The following DCDC2 variants were observed in gnomAD, a reference collection of about 807,000 sequenced individuals.
DCDC2 encodes doublecortin domain containing 2.
In DCDC2, 40 loss-of-function variants were observed where a neutral mutation model predicts 50.2. The observed-to-expected ratio is 0.80, with a 90% CI of 0.62 to 1.04. DCDC2 has a LOEUF of 1.04. DCDC2 is among the 50% of genes least tolerant of loss of function. The pLI is 0.00. For missense variants in DCDC2, 570 were observed against 581.9 expected (o/e 0.98, Z 0.21); for synonymous variants, 234 against 210.6 (o/e 1.11, Z -0.96).
intron 2 of DCDC2, among the ~76,000 whole-genome samples, chr6:24,327,499 G>A (rs1039807779): frequency 7.1e-6 from 1 of 140,990 alleles, no homozygotes; most frequent in Non-Finnish European, 1.6e-5. Context: ...CTGATACGGA[G>A]TTTTGCTCTT....
At chr6:24,331,024 C>T (rs766740029) in intron 2 of DCDC2, among the ~76,000 whole-genome samples, 16 of 152,130 alleles carry the variant, frequency 1.1e-4, no homozygotes, top group Non-Finnish European at 1.9e-4. Flanking sequence ...CCTGTTCCTT[C>T]CAGGATGATA....
chr6:24,234,943 ATACT>A (rs1163748746), intron 7 of DCDC2, among the ~76,000 whole-genome samples: 1 of 152,210 alleles, frequency 6.6e-6, no homozygotes, highest in Non-Finnish European at 1.5e-5. Context: ...TAACAAATAA[ATACT>A]TAATAACAAA....
At chr6:24,214,516 A>T (rs953486755) in intron 7 of DCDC2, among the ~76,000 whole-genome samples, 7 of 152,334 alleles carry the variant, frequency 4.6e-5, no homozygotes, top group East Asian at 3.9e-4. Context: ...TATATAAATT[A>T]TGATACAATT....
At chr6:24,182,448 C>T (rs912630919) in intron 8 of DCDC2, among the ~76,000 whole-genome samples, 92 of 151,630 alleles carry the variant, frequency 6.1e-4, no homozygotes, top group African/African-American at 2.0e-3. Context: ...TAGGGAACAC[C>T]TAAAACTCAA....
intron 5 of DCDC2, among the ~76,000 whole-genome samples, chr6:24,290,151 G>A (rs570609464): frequency 2.0e-5 from 3 of 150,558 alleles, no homozygotes; most frequent in East Asian, 3.9e-4. Context: ...CCGCCACTAC[G>A]CCCGGCTAAT....
chr6:24,336,872 C>T (rs771049325), intron 2 of DCDC2, among the ~76,000 whole-genome samples: 4 of 152,130 alleles, frequency 2.6e-5, no homozygotes, highest in African/African-American at 4.8e-5. Context: ...GTATTAGGTA[C>T]AGTGCTAGGA....
In DCDC2 at chr6:24,354,572, A is replaced by C. The variant is rs567879071; in HGVS notation, c.294-949T>G. ...ACAATGCCCCTATATAAAAGTAGTC[A>C]TATTTTTAAAACAGTGCAAACACTC... On this transcript the variant is annotated intron_variant, in intron 1 of 9. Transcript: ENST00000378454. Among the ~76,000 whole-genome samples the C allele has an allele frequency of 1.2e-4, 18 of 152,318 alleles. No homozygotes were observed. The South Asian group carries it at 3.7e-3, about 32-fold the overall frequency.
chr6:24,193,556 G>A (rs1275646753), intron 8 of DCDC2, among the ~76,000 whole-genome samples: 1 of 152,054 alleles, frequency 6.6e-6, no homozygotes, highest in African/African-American at 2.4e-5. Flanking sequence ...AACAAAGCAA[G>A]TGAAAAAATA....
intron 7 of DCDC2, among the ~76,000 whole-genome samples, chr6:24,258,307 T>TC (rs1351643727): frequency 1.3e-5 from 2 of 152,086 alleles, no homozygotes; most frequent in Admixed American, 6.5e-5. Flanking sequence ...CCCTTATTTG[T>TC]CCCCGCCCAC....
At chr6:24,327,841 A>G (rs1759901942) in intron 2 of DCDC2, among the ~76,000 whole-genome samples, 1 of 152,204 alleles carries the variant, frequency 6.6e-6, no homozygotes, top group Admixed American at 6.5e-5. Context: ...CTTTAAATAA[A>G]AAAAATTTCT....
At chr6:24,316,685 T>C (rs1404845676) in intron 2 of DCDC2, among the ~76,000 whole-genome samples, 5 of 152,166 alleles carry the variant, frequency 3.3e-5, no homozygotes, top group Non-Finnish European at 7.4e-5. Flanking sequence ...ATAAAATGTG[T>C]TATATCCTTT....
At chr6:24,353,439 C>A in intron 2 of DCDC2, 130 bp downstream of exon 2, 2 of 666,608 alleles carry the variant, frequency 3.0e-6, no homozygotes, top group South Asian at 1.7e-5. Context: ...TGCCTTAAAA[C>A]ATATAATGTT....
At chr6:24,249,620 A>T (rs1325688227) in intron 7 of DCDC2, among the ~76,000 whole-genome samples, 2 of 152,226 alleles carry the variant, frequency 1.3e-5, no homozygotes, top group African/African-American at 4.8e-5. Flanking sequence ...TCCAACCGAC[A>T]GTGTTAAATT....
chr6:24,187,605 T>C (rs146799121), intron 8 of DCDC2, among the ~76,000 whole-genome samples: 1 of 152,224 alleles, frequency 6.6e-6, no homozygotes. Context: ...CGGGGAAATA[T>C]CAGCCCTGGC....
At chr6:24,272,003 A>G (rs1025945869) in intron 7 of DCDC2, among the ~76,000 whole-genome samples, 1 of 152,162 alleles carries the variant, frequency 6.6e-6, no homozygotes, top group African/African-American at 2.4e-5. Context: ...TCTCAACCCT[A>G]TATCAGCTAT....
At position 24,286,661 on chromosome 6, in the gene DCDC2, C is replaced by T. The variant is rs16889010; in HGVS notation, c.759+2191G>A. Among the ~76,000 whole-genome samples, 1,310 of 151,952 alleles carry T rather than the reference C, an allele frequency of 8.6e-3. 9 individuals are homozygous for T. The highest frequency in any genetic ancestry group is 0.016 in the African/African-American group (673 of 41,400). ...ATGTCCTTGGCAGGCCTCAGCTCTG[C>T]CATTTACAACTGCTTGCAGCACACT... On this transcript the variant is annotated intron_variant, in intron 6 of 9. Transcript: ENST00000378454.
At chr6:24,377,791 C>T in the DCDC2 span, among the ~76,000 whole-genome samples, 1 of 152,130 alleles carries the variant, frequency 6.6e-6, no homozygotes, top group African/African-American at 2.4e-5. Flanking sequence ...AGTTCGAGAC[C>T]AGCCTGGCCA....
At chr6:24,329,240 T>G (rs1371162969) in intron 2 of DCDC2, among the ~76,000 whole-genome samples, 3 of 152,180 alleles carry the variant, frequency 2.0e-5, no homozygotes, top group Non-Finnish European at 4.4e-5. Flanking sequence ...CAAAGAGGTA[T>G]GCACACAAAA....
intron 7 of DCDC2, among the ~76,000 whole-genome samples, chr6:24,212,207 G>A (rs79724007): frequency 0.034 from 5,224 of 152,124 alleles, 263 homozygotes; most frequent in African/African-American, 0.11. Flanking sequence ...ATCCCCCGAC[G>A]CCCCTGAATA....
Sources: allele counts gnomAD v4.1 joint callset (sites outside exome capture counted in the v4.1 genomes callset), GRCh38; gene constraint gnomAD v4.1.1; transcripts MANE v1.5; gene names NCBI Gene and HGNC (gene_info 2026-07-23, HGNC 2026-07-21).